The following CNDP1 variants were observed in gnomAD, a reference collection of about 807,000 sequenced individuals.
The protein encoded by CNDP1 is carnosine dipeptidase 1, also known as beta-Ala-His dipeptidase.
A neutral mutation model predicts 58.1 loss-of-function variants in CNDP1; 44 were observed. That is an observed-to-expected ratio of 0.76 (90% CI 0.60 to 0.97). CNDP1 has a LOEUF of 0.97. Ranked by LOEUF, CNDP1 falls within the 50% of genes least tolerant of loss-of-function variation. The probability of loss-of-function intolerance (pLI) is 0.00; values close to 1 mark genes in which losing one functional copy is unlikely to be tolerated. For synonymous variants in CNDP1, 254 were observed against 252.6 expected (o/e 1.01, Z -0.05); for missense variants, 616 against 655.1 (o/e 0.94, Z 0.65).
chr18:74,576,937 G>GT lies in CNDP1; in HGVS notation c.910_911insT (p.Glu304ValfsTer20). 6.2e-7 allele frequency: 1 copy of GT among 1,611,896 alleles called. No homozygotes were observed. Among genetic ancestry groups the GT allele is most frequent in the South Asian group, 1.1e-5 (1 of 90,852 alleles). On this transcript the variant is annotated frameshift_variant, in exon 8 of 12. Coordinates refer to ENST00000358821, the MANE Select transcript of CNDP1 (RefSeq NM_032649.6). LOFTEE classifies it high-confidence loss of function. ...CTATGATGAAGTGGTTCCTCTTACA[G>GT]AAGAGGAAATAAATACATACAAAGC...
intron 7 of CNDP1, among the ~76,000 whole-genome samples, chr18:74,572,790 CAAAAAAAAAAA>C (rs56059264): frequency 3.3e-5 from 2 of 60,072 alleles, no homozygotes; most frequent in Non-Finnish European, 6.0e-5. Context: ...GACCCTGTAT[CAAAAAAAAAAA>C]AAAAAAAAAA....
At chr18:74,538,468 C>T (rs1599083383) in intron 1 of CNDP1, among the ~76,000 whole-genome samples, 1 of 152,206 alleles carries the variant, frequency 6.6e-6, no homozygotes, top group Admixed American at 6.5e-5. Flanking sequence ...TTCCACCATT[C>T]GGCTGTTATG....
At chr18:74,577,145 A>T (rs938911994) in intron 8 of CNDP1, 116 bp downstream of exon 8, 2 of 973,246 alleles carry the variant, frequency 2.1e-6, no homozygotes, top group South Asian at 2.6e-5. Context: ...TCCAAAGCAG[A>T]TGTGAATTCC....
At chr18:74,575,103 AGAAG>A (rs1568299657) in intron 7 of CNDP1, among the ~76,000 whole-genome samples, 1 of 124,134 alleles carries the variant, frequency 8.1e-6, no homozygotes, top group East Asian at 2.4e-4. Flanking sequence ...GAAAGAAAAA[AGAAG>A]GAAAGAAAGG....
At chr18:74,534,781 G>A in intron 1 of CNDP1, 90 bp downstream of exon 1, 1 of 1,501,386 alleles carries the variant, frequency 6.7e-7, no homozygotes, top group Non-Finnish European at 9.3e-7. Flanking sequence ...CAGTTGGGCA[G>A]GGCAGGCACC....
At chr18:74,534,879 T>C (rs1181919051) in intron 1 of CNDP1, among the ~76,000 whole-genome samples, 188 bp downstream of exon 1, 1 of 152,246 alleles carries the variant, frequency 6.6e-6, no homozygotes, top group African/African-American at 2.4e-5. Context: ...ATTTTATCAG[T>C]AATGCTTTTG....
intron 7 of CNDP1, among the ~76,000 whole-genome samples, chr18:74,572,828 GA>G (rs1981518888): frequency 9.1e-6 from 1 of 110,406 alleles, no homozygotes; most frequent in Non-Finnish European, 1.8e-5. Context: ...AAGAAAGAAA[GA>G]AAAATAATAG....
Position 74,545,240 on chromosome 18 carries a change from C to A in CNDP1, c.24+10549C>A, listed in dbSNP as rs963856450. Among the ~76,000 whole-genome samples the A allele has an allele frequency of 1.3e-5, 2 of 152,214 alleles. No individual in the cohort carries two copies. Among genetic ancestry groups the A allele is most frequent in the Admixed American group, 6.5e-5 (1 of 15,286 alleles). On this transcript the variant is annotated intron_variant, in intron 1 of 11. Coordinates refer to ENST00000358821, the MANE Select transcript of CNDP1 (RefSeq NM_032649.6). This position sits in a 1 kb window ranked among gnomAD's most constrained non-coding sequence, Gnocchi z 4.1. ...AAGCCCCGCCCTCTCCTCGAATCTG[C>A]CTTGTTCTCGACTTTACATTTGTTG...
rs909948465 is a variant in CNDP1 at position 74,587,024 on chromosome 18, G to C, written c.*2462G>C. 6.6e-6 allele frequency: 1 copy of C among 152,218 alleles called. No individual in the cohort carries two copies. Among genetic ancestry groups the C allele is most frequent in the Non-Finnish European group, 1.5e-5 (1 of 68,040 alleles). The allele number at this position is 152,218 out of a possible 1,614,324, so 9.4% of individuals were successfully genotyped here. On this transcript the variant is annotated 3_prime_UTR_variant, in exon 12 of 12. Transcript: ENST00000358821. ...GCATGCCCATCAGGGGGACTTTGTTGTATTGGAGGAGGGCAATGTATCTGG... is the reference window on the plus strand; with the variant it reads ...GCATGCCCATCAGGGGGACTTTGTTCTATTGGAGGAGGGCAATGTATCTGG...
intron 7 of CNDP1, among the ~76,000 whole-genome samples, chr18:74,571,774 GT>G (rs1981485394): frequency 1.3e-5 from 2 of 152,334 alleles, no homozygotes; most frequent in South Asian, 4.1e-4. Flanking sequence ...AGAGCATCTT[GT>G]TTTTCACGAC....
At chr18:74,537,790 G>T (rs1052376251) in intron 1 of CNDP1, among the ~76,000 whole-genome samples, 1 of 152,198 alleles carries the variant, frequency 6.6e-6, no homozygotes, top group Non-Finnish European at 1.5e-5. Flanking sequence ...AAGCTCCTCT[G>T]GGGGGAATGA....
chr18:74,582,389 T>C (rs1325890329), intron 10 of CNDP1, among the ~76,000 whole-genome samples: 1 of 152,254 alleles, frequency 6.6e-6, no homozygotes, highest in African/African-American at 2.4e-5. Context: ...AACTCATCTC[T>C]TTCTAAAACC....
intron 1 of CNDP1, among the ~76,000 whole-genome samples, chr18:74,553,082 C>A (rs1980950374): frequency 1.3e-5 from 2 of 152,154 alleles, no homozygotes; most frequent in Non-Finnish European, 2.9e-5. Context: ...TGCATATTTT[C>A]TTTGAGGAAA....
chr18:74,568,591 G>A (rs1008389862), intron 6 of CNDP1, among the ~76,000 whole-genome samples: 1 of 152,114 alleles, frequency 6.6e-6, no homozygotes, highest in Non-Finnish European at 1.5e-5. Context: ...GGAGGTGGGA[G>A]GGGGCGAGCT....
chr18:74,583,217 G>C (rs1282793232), intron 10 of CNDP1, among the ~76,000 whole-genome samples: 1 of 152,048 alleles, frequency 6.6e-6, no homozygotes, highest in Non-Finnish European at 1.5e-5. Flanking sequence ...ATGTTGGCCA[G>C]GCTGGTCTCA....
chr18:74,539,229 C>T (rs1980556855), intron 1 of CNDP1, among the ~76,000 whole-genome samples: 1 of 146,522 alleles, frequency 6.8e-6, no homozygotes, highest in Admixed American at 7.1e-5. Context: ...AGGAGATCTA[C>T]ACCTGTTTGT....
At chr18:74,549,738 A>T (rs1460018921) in intron 1 of CNDP1, among the ~76,000 whole-genome samples, 2 of 152,226 alleles carry the variant, frequency 1.3e-5, no homozygotes, top group Non-Finnish European at 2.9e-5. Flanking sequence ...GAGACCTTTG[A>T]GGAAGCCCCT....
intron 2 of CNDP1, among the ~76,000 whole-genome samples, chr18:74,557,931 G>A (rs2144653765): frequency 6.6e-6 from 1 of 152,298 alleles, no homozygotes; most frequent in Non-Finnish European, 1.5e-5. Flanking sequence ...GGGGTTTCCA[G>A]AATCAGTGTG....
intron 1 of CNDP1, among the ~76,000 whole-genome samples, chr18:74,538,822 A>T (rs946958975): frequency 6.6e-6 from 1 of 152,134 alleles, no homozygotes; most frequent in African/African-American, 2.4e-5. Flanking sequence ...TGGCCAAAAG[A>T]TCTACCATTT....
Sources: gnomAD v4.1 joint callset for allele counts (sites outside exome capture counted in the v4.1 genomes callset) on GRCh38, gnomAD v4.1.1 for gene constraint, Gnocchi (gnomAD v3.1) non-coding constraint, MANE v1.5 for transcripts, NCBI Gene and HGNC (gene_info 2026-07-23, HGNC 2026-07-21) for gene names.